GABPB2: variants seen among roughly 807,000 people sequenced by gnomAD.
GABPB2 encodes GA-binding protein subunit beta-2.
Under a neutral mutation model 39.1 loss-of-function variants are expected in GABPB2, and 23 were observed. The ratio of observed to expected loss-of-function variants is 0.59; its 90% CI spans 0.42 to 0.83. The LOEUF is 0.83. Among genes scored for constraint, GABPB2 ranks in the 40% least tolerant of loss-of-function variants. GABPB2 has a pLI of 0.00. For synonymous variants in GABPB2, 184 were observed against 199.3 expected (o/e 0.92, Z 0.65); for missense variants, 467 against 541.1 (o/e 0.86, Z 1.36).
At chr1:151,071,629 A>G (rs1676731500) in intron 1 of GABPB2, among the ~76,000 whole-genome samples, 1 of 151,772 alleles carries the variant, frequency 6.6e-6, no homozygotes, top group Non-Finnish European at 1.5e-5. Context: ...GCCACCATGC[A>G]TGGCTAATTT....
Position 151,073,137 on chromosome 1 carries a change from C to T in GABPB2, c.-1+2203C>T, listed in dbSNP as rs1035704905. On this transcript the variant is annotated intron_variant, in intron 1 of 8. Transcript: ENST00000368918. ...TTAAGCTATCCTCCCGCCTTAGCCT[C>T]CTGAATAGCTAGGACCACAGGTATG... The T allele has an allele frequency of 2.0e-5, 3 of 152,268 alleles. No homozygotes were observed. In the Middle Eastern group the frequency reaches 0.01, roughly 518 times the overall value. The allele number at this position is 152,268 out of a possible 1,614,324, so 9.4% of individuals were successfully genotyped here.
At chr1:151,117,337 C>A (rs186006651) in intron 7 of GABPB2, 55 bp from the exon 8 acceptor site, 17 of 1,570,282 alleles carry the variant, frequency 1.1e-5, no homozygotes, top group Non-Finnish European at 1.5e-5. Context: ...GCAAGCAAAA[C>A]CTCTTTGTTT....
At chr1:151,088,563 C>A (rs1356901148) in intron 2 of GABPB2, 3 of 743,502 alleles carry the variant, frequency 4.0e-6, no homozygotes, top group South Asian at 3.3e-5. Flanking sequence ...AGAGTATTTT[C>A]TAAAGGTTTA....
chr1:151,080,849 A>G (rs1467583696), intron 1 of GABPB2, among the ~76,000 whole-genome samples: 1 of 146,470 alleles, frequency 6.8e-6, no homozygotes, highest in Non-Finnish European at 1.5e-5. Flanking sequence ...GAGGAAGACT[A>G]TGTCTCACAA....
intron 1 of GABPB2, among the ~76,000 whole-genome samples, chr1:151,078,548 G>A (rs1396643841): frequency 2.0e-5 from 3 of 149,840 alleles, no homozygotes; most frequent in Non-Finnish European, 3.0e-5. Flanking sequence ...AGCCGAGATC[G>A]CGCCACTGCA....
At position 151,111,033 on chromosome 1, in the gene GABPB2, A is replaced by G. The variant is rs779649553; in HGVS notation, c.922+3811A>G. ...GGTAGCTCACACCTGTAATCCCAGC[A>G]CTTTGGGAGGCTGAGGCGGGAGGAG... On this transcript the variant is annotated intron_variant, in intron 7 of 8. Coordinates refer to ENST00000368918, the MANE Select transcript of GABPB2 (RefSeq NM_144618.3). 3.9e-5 allele frequency among the ~76,000 whole-genome samples: 6 copies of G among 152,126 alleles called. No homozygotes were observed. The East Asian group carries it at 1.2e-3, about 29-fold the overall frequency.
intron 6 of GABPB2, among the ~76,000 whole-genome samples, chr1:151,106,325 A>G (rs1321115816): frequency 6.6e-6 from 1 of 151,180 alleles, no homozygotes; most frequent in Admixed American, 6.6e-5. Context: ...TGTTGGGGAA[A>G]CAGCATATCT....
chr1:151,085,632 T>G (rs918552759), intron 1 of GABPB2, among the ~76,000 whole-genome samples: 2 of 151,984 alleles, frequency 1.3e-5, no homozygotes, highest in African/African-American at 2.4e-5. Context: ...TTTTGTATTT[T>G]TAGTAGAGAT....
chr1:151,083,254 C>A (rs1677876589), intron 1 of GABPB2, among the ~76,000 whole-genome samples: 1 of 152,118 alleles, frequency 6.6e-6, no homozygotes, highest in Admixed American at 6.6e-5. Flanking sequence ...ATGTGAGTTA[C>A]CAAGTTGATG....
chr1:151,101,997 GAGA>G (rs1283335764), intron 5 of GABPB2, among the ~76,000 whole-genome samples: 1 of 152,148 alleles, frequency 6.6e-6, no homozygotes, highest in Non-Finnish European at 1.5e-5. Flanking sequence ...ACAGATATAA[GAGA>G]AGAAGGTTAT....
intron 7 of GABPB2, among the ~76,000 whole-genome samples, chr1:151,116,798 A>G (rs1189752110): frequency 6.6e-6 from 1 of 151,708 alleles, no homozygotes; most frequent in African/African-American, 2.4e-5. Context: ...TTTTGCGGAG[A>G]CAGTGTTTGC....
At chr1:151,107,322 A>T in intron 7 of GABPB2, 100 bp downstream of exon 7, 2 of 720,924 alleles carry the variant, frequency 2.8e-6, no homozygotes, top group Non-Finnish European at 3.9e-6. Context: ...GAAGTGGGAG[A>T]TTGCCAGATG....
At chr1:151,084,051 T>C (rs1677950254) in intron 1 of GABPB2, among the ~76,000 whole-genome samples, 1 of 149,990 alleles carries the variant, frequency 6.7e-6, no homozygotes, top group South Asian at 2.1e-4. Context: ...TTATTTTTAT[T>C]ATATATATAA....
At chr1:151,112,880 C>G (rs1680568353) in intron 7 of GABPB2, among the ~76,000 whole-genome samples, 1 of 151,930 alleles carries the variant, frequency 6.6e-6, no homozygotes, top group Non-Finnish European at 1.5e-5. Flanking sequence ...AAGTGATTCC[C>G]CTGCCTCAGC....
intron 7 of GABPB2, among the ~76,000 whole-genome samples, chr1:151,114,262 G>A (rs1052032502): frequency 1.3e-5 from 2 of 151,992 alleles, no homozygotes; most frequent in Non-Finnish European, 2.9e-5. Context: ...AGGGTCACTG[G>A]AGGCCAGGAG....
Position 151,124,086 on chromosome 1 carries a change from C to A in GABPB2, c.*5830C>A, listed in dbSNP as rs1183686457. 3.8e-5 allele frequency: 2 copies of A among 52,406 alleles called. No individual in the cohort carries two copies. The highest frequency in any genetic ancestry group is 4.7e-4 in the Admixed American group (2 of 4,264). 3.2% of individuals were successfully genotyped at this position (52,406 alleles called of 1,614,324 possible). ...AAAAAAAAGAGGCCGGGCGCGGTGG[C>A]TCACAAAAAAAAAAAAAAGAAAGAA... On this transcript the variant is annotated 3_prime_UTR_variant, in exon 9 of 9. Transcript: ENST00000368918.
chr1:151,073,851 C>G (rs1676927514), intron 1 of GABPB2, among the ~76,000 whole-genome samples: 1 of 151,600 alleles, frequency 6.6e-6, no homozygotes, highest in Non-Finnish European at 1.5e-5. Flanking sequence ...ACCCAGGAGG[C>G]AGAGTTTGCA....
intron 7 of GABPB2, among the ~76,000 whole-genome samples, chr1:151,109,962 C>T (rs954394737): frequency 4.0e-5 from 6 of 148,420 alleles, no homozygotes; most frequent in African/African-American, 7.5e-5. Context: ...CCTCAGCCAC[C>T]GGAGTAGATG....
In GABPB2 at chr1:151,122,864, T is replaced by A. The variant is rs1681232328; in HGVS notation, c.*4608T>A. Reference sequence around the variant, plus strand: ...GGTAGAGAGGGAGAGAATGGAGGTATCTGAAAATAAGTAAGAAAAAGGCAT... The same window carrying A: ...GGTAGAGAGGGAGAGAATGGAGGTAACTGAAAATAAGTAAGAAAAAGGCAT... On this transcript the variant is annotated 3_prime_UTR_variant, in exon 9 of 9. Coordinates refer to ENST00000368918, the MANE Select transcript of GABPB2 (RefSeq NM_144618.3). The A allele has an allele frequency of 6.6e-6, 1 of 152,012 alleles. No individual in the cohort carries two copies. Among genetic ancestry groups the A allele is most frequent in the African/African-American group, 2.4e-5 (1 of 41,396 alleles). The allele number at this position is 152,012 out of a possible 1,614,324, so 9.4% of individuals were successfully genotyped here. A position where few individuals can be genotyped will look rare whatever the true frequency, so the allele number is the denominator to read the frequency against.
Sources: allele counts gnomAD v4.1 joint callset (sites outside exome capture counted in the v4.1 genomes callset), GRCh38; gene constraint gnomAD v4.1.1; transcripts MANE v1.5; gene names NCBI Gene and HGNC (gene_info 2026-07-23, HGNC 2026-07-21).